The following GADL1 variants were observed in gnomAD, a reference collection of about 807,000 sequenced individuals.
GADL1 encodes the protein GAD like acidic amino acid decarboxylase 1.
A neutral mutation model predicts 69.5 loss-of-function variants in GADL1; 71 were observed. The observed-to-expected ratio is 1.02, with a 90% CI of 0.84 to 1.25. GADL1 has a LOEUF of 1.25. Ranked by LOEUF, GADL1 falls within the 50% of genes most tolerant of loss-of-function variation. The probability of loss-of-function intolerance (pLI) is 0.00; values close to 1 mark genes in which losing one functional copy is unlikely to be tolerated. For missense variants in GADL1, 737 were observed against 631.8 expected, an observed-to-expected ratio of 1.17 and a Z score of -1.79; for synonymous variants, 254 against 214.4, an observed-to-expected ratio of 1.18 and a Z score of -1.62.
rs576214704 is a variant in GADL1 at position 30,754,888 on chromosome 3, G to A, written c.1392+23291C>T. Among the ~76,000 whole-genome samples, 860 of 145,198 alleles carry A rather than the reference G, an allele frequency of 5.9e-3. 8 individuals are homozygous for A. Among genetic ancestry groups the A allele is most frequent in the Non-Finnish European group, 6.0e-3 (387 of 64,368 alleles). On this transcript the variant is annotated intron_variant, in intron 14 of 14. Transcript: ENST00000282538. ...TTTTTTCTGAAAGTCTCATGTGCTT[G>A]GGTAGGATTTTTAAATTATTCAGTA...
In GADL1 at chr3:30,808,563, C is replaced by T. The variant is rs190001135; in HGVS notation, c.1051-7475G>A. ...TCAAGTGCTAAAGTATAGGTCAATA[C>T]AAAGCGTCTGTGTAAATGGGTGCAT... On this transcript the variant is annotated intron_variant, in intron 11 of 14. Coordinates refer to ENST00000282538, the MANE Select transcript of GADL1 (RefSeq NM_207359.3). Among the ~76,000 whole-genome samples the T allele has an allele frequency of 6.6e-5, 10 of 151,638 alleles. No individual in the cohort carries two copies. The East Asian group carries it at 1.6e-3, about 24-fold the overall frequency.
chr3:30,893,284 T>A (rs1055330556), intron 1 of GADL1, among the ~76,000 whole-genome samples: 2 of 152,338 alleles, frequency 1.3e-5, no homozygotes, highest in East Asian at 3.9e-4. Context: ...TGAGACATCA[T>A]AATTGTACCT....
intron 2 of GADL1, among the ~76,000 whole-genome samples, chr3:30,859,462 G>C (rs1474606376): frequency 6.6e-6 from 1 of 151,718 alleles, no homozygotes; most frequent in Non-Finnish European, 1.5e-5. Flanking sequence ...TTCTAGAAAA[G>C]GCAAGTATCA....
chr3:30,805,649 GC>G (rs1302658164), intron 11 of GADL1, among the ~76,000 whole-genome samples: 2 of 150,846 alleles, frequency 1.3e-5, no homozygotes, highest in Admixed American at 6.6e-5. Context: ...ATTTCTATAG[GC>G]CAGATCAGAA....
rs181528874 is a variant in GADL1, at chr3:30,869,489, A to G, written c.38-7724T>C. ...ATGTGGCAACTTAGTCCCTGGATCT[A>G]GCCCTGTGATTTGATAGAATCATAA... On this transcript the variant is annotated intron_variant, in intron 1 of 14. Transcript: ENST00000282538. Among the ~76,000 whole-genome samples the G allele has an allele frequency of 1.8e-4, 27 of 152,040 alleles. 1 individual carries two copies. Among genetic ancestry groups the G allele is most frequent in the Non-Finnish European group, 2.9e-4 (20 of 67,970 alleles).
chr3:30,765,118 A>G (rs568919801), intron 14 of GADL1, among the ~76,000 whole-genome samples: 5 of 120,172 alleles, frequency 4.2e-5, no homozygotes, highest in African/African-American at 1.3e-4. Flanking sequence ...GATTTACGCA[A>G]GACAGAGGTA....
In GADL1 at chr3:30,749,008, A is replaced by G. The variant is rs538632890; in HGVS notation, c.1393-20593T>C. ...AACAACAACACAATCCCTCACATTCAATGTTGTGGTTCTTTTACTATAATT... is the reference window on the plus strand; with the variant it reads ...AACAACAACACAATCCCTCACATTCGATGTTGTGGTTCTTTTACTATAATT... On this transcript the variant is annotated intron_variant, in intron 14 of 14. Coordinates refer to ENST00000282538, the MANE Select transcript of GADL1 (RefSeq NM_207359.3). 3.9e-5 allele frequency among the ~76,000 whole-genome samples: 6 copies of G among 152,294 alleles called. No individual in the cohort carries two copies. In the East Asian group the frequency reaches 1.2e-3, roughly 29 times the overall value.
chr3:30,878,972 C>T (rs1289412404), intron 1 of GADL1, among the ~76,000 whole-genome samples: 2 of 151,802 alleles, frequency 1.3e-5, no homozygotes, highest in Admixed American at 6.6e-5. Context: ...CTCAGATTTC[C>T]ACTTCTCTGA....
chr3:30,781,599 G>A (rs1307213873), intron 13 of GADL1, among the ~76,000 whole-genome samples: 1 of 152,178 alleles, frequency 6.6e-6, no homozygotes, highest in Non-Finnish European at 1.5e-5. Context: ...TTCAAAGGCA[G>A]CACTGGATAG....
In GADL1 at chr3:30,833,912, G is replaced by A. The variant is rs749726159; in HGVS notation, c.991C>T (p.Pro331Ser). Residue 331 changes from proline (P) to serine (S), a missense_variant, in exon 11 of 15, where the codon CCA becomes TCA. Pro to Ser is a moderately conservative substitution (Grantham distance 74, BLOSUM62 -1). Transcript: ENST00000282538. The stretch of plus-strand genomic sequence containing the variant: ...ATCCCAGCCATCAGCATCTTGTGTG[G>A]GTTCCAGGCCACAGAGTCAGCCCTA... The part of the protein sequence containing the change: ...IHRADSVAWN[P>S]HKMLMAGIQC... 1 of 1,612,640 alleles carries A rather than the reference G, an allele frequency of 6.2e-7. No homozygotes were observed. The highest frequency in any genetic ancestry group is 1.3e-5 in the African/African-American group (1 of 74,922).
intron 2 of GADL1, among the ~76,000 whole-genome samples, chr3:30,861,266 G>C (rs1196248611): frequency 6.6e-6 from 1 of 151,768 alleles, no homozygotes; most frequent in Non-Finnish European, 1.5e-5. Flanking sequence ...AGTTGCGTAA[G>C]TGAGATTAGC....
At chr3:30,893,416 T>A (rs1308164148) in intron 1 of GADL1, among the ~76,000 whole-genome samples, 1 of 152,144 alleles carries the variant, frequency 6.6e-6, no homozygotes, top group Non-Finnish European at 1.5e-5. Flanking sequence ...CTCTTCTAGC[T>A]TTTTTGAAAT....
At chr3:30,844,348 C>G in intron 7 of GADL1, 39 bp downstream of exon 7, 1 of 1,574,672 alleles carries the variant, frequency 6.4e-7, no homozygotes, top group Non-Finnish European at 8.7e-7. Context: ...ATAAACTTTT[C>G]CCTCCACCCA....
chr3:30,770,736 ATTCT>A (rs1208770211), intron 14 of GADL1, among the ~76,000 whole-genome samples: 12 of 152,182 alleles, frequency 7.9e-5, no homozygotes, highest in African/African-American at 2.7e-4. Flanking sequence ...TGCCAGCTTC[ATTCT>A]TTATTTTAAT....
chr3:30,864,148 T>A (rs1575239859), intron 1 of GADL1, among the ~76,000 whole-genome samples: 1 of 152,006 alleles, frequency 6.6e-6, no homozygotes, highest in Admixed American at 6.6e-5. Context: ...TCCTCCCAAA[T>A]TTTTTAGGCC....
In GADL1 at chr3:30,764,730, C is replaced by G. The variant is rs577128662; in HGVS notation, c.1392+13449G>C. Among the ~76,000 whole-genome samples the G allele has an allele frequency of 9.7e-4, 147 of 152,324 alleles. 1 individual carries two copies. The highest frequency in any genetic ancestry group is 1.6e-3 in the Non-Finnish European group (107 of 68,034). ...CATGATAGACATGATTAGTACCAAA[C>G]TAAACTGCCACAGTATTCTAGTCCA... On this transcript the variant is annotated intron_variant, in intron 14 of 14. Transcript: ENST00000282538.
At chr3:30,816,543 T>G (rs1187269790) in intron 11 of GADL1, among the ~76,000 whole-genome samples, 1 of 61,398 alleles carries the variant, frequency 1.6e-5, no homozygotes. Context: ...TTTTTTTTTT[T>G]TTTTTTTTTT....
chr3:30,740,899 CAT>C (rs1166325295), intron 14 of GADL1, among the ~76,000 whole-genome samples: 1 of 140,446 alleles, frequency 7.1e-6, no homozygotes, highest in Non-Finnish European at 1.5e-5. Flanking sequence ...TACAAACAAA[CAT>C]ATATATATCT....
At chr3:30,806,937 C>T (rs943709209) in intron 11 of GADL1, among the ~76,000 whole-genome samples, 2 of 152,218 alleles carry the variant, frequency 1.3e-5, no homozygotes, top group Non-Finnish European at 2.9e-5. Context: ...AACTTCATTA[C>T]TAATCTGGCA....
Sources: gnomAD v4.1 joint callset for allele counts (sites outside exome capture counted in the v4.1 genomes callset) on GRCh38, gnomAD v4.1.1 for gene constraint, MANE v1.5 for transcripts, NCBI Gene and HGNC (gene_info 2026-07-23, HGNC 2026-07-21) for gene names.